The following TTC39A variants were observed in gnomAD, a reference collection of about 807,000 sequenced individuals.
TTC39A encodes tetratricopeptide repeat protein 39A.
In TTC39A, 46 loss-of-function variants were observed where a neutral mutation model predicts 82.3. That is an observed-to-expected ratio of 0.56 (90% CI 0.44 to 0.71). The LOEUF (loss-of-function observed/expected upper bound fraction) is 0.71. TTC39A is among the 30% of genes least tolerant of loss of function. The probability of loss-of-function intolerance (pLI) is 0.00; values close to 1 mark genes in which losing one functional copy is unlikely to be tolerated. For synonymous variants in TTC39A, 254 were observed against 275.2 expected (o/e 0.92, Z 0.76); for missense variants, 543 against 712.9 (o/e 0.76, Z 2.71).
intron 15 of TTC39A, 91 bp from the exon 16 acceptor site, chr1:51,290,210 G>C (rs2148102391): frequency 8.4e-7 from 1 of 1,183,818 alleles, no homozygotes. Flanking sequence ...AGGTCAAAGG[G>C]ACACAGGTAA....
chr1:51,342,216 T>C (rs985413830), intron 1 of TTC39A, among the ~76,000 whole-genome samples: 1 of 152,176 alleles, frequency 6.6e-6, no homozygotes, highest in African/African-American at 2.4e-5. Context: ...CCTTTCCTTT[T>C]CCCAGCAGTT....
At chr1:51,333,767 CT>C (rs1645940867), upstream of TTC39A, among the ~76,000 whole-genome samples, 1 of 152,306 alleles carries the variant, frequency 6.6e-6, no homozygotes, top group East Asian at 1.9e-4. Flanking sequence ...TGACTGTCTG[CT>C]TCTGGAGGCT....
At chr1:51,327,562 G>A (rs745365713) in intron 1 of TTC39A, among the ~76,000 whole-genome samples, 2 of 152,204 alleles carry the variant, frequency 1.3e-5, no homozygotes, top group East Asian at 1.9e-4. Context: ...ATGAGCCTCC[G>A]TTTCCTCATC....
chr1:51,326,924 A>G (rs573138314), intron 1 of TTC39A, among the ~76,000 whole-genome samples: 1 of 152,308 alleles, frequency 6.6e-6, no homozygotes, highest in East Asian at 1.9e-4. Context: ...GGCTGGATGG[A>G]GCAGAGCTGG....
At chr1:51,324,455 C>G (rs1294252650) in intron 1 of TTC39A, among the ~76,000 whole-genome samples, 1 of 152,180 alleles carries the variant, frequency 6.6e-6, no homozygotes, top group Admixed American at 6.5e-5. Context: ...CTTCAGTTCT[C>G]TCTTCACGCT....
intron 11 of TTC39A, chr1:51,302,039 G>A (rs1225215297): frequency 1.3e-5 from 9 of 701,984 alleles, no homozygotes; most frequent in Non-Finnish European, 2.1e-5. Context: ...CAGCCTAATC[G>A]TCATGCCCTA....
At chr1:51,314,143 C>T (rs1645195968) in intron 2 of TTC39A, among the ~76,000 whole-genome samples, 2 of 152,226 alleles carry the variant, frequency 1.3e-5, no homozygotes, top group Non-Finnish European at 2.9e-5. Context: ...CCGACCCAGG[C>T]TCCTCAGCTG....
intron 8 of TTC39A, among the ~76,000 whole-genome samples, chr1:51,303,842 C>T (rs1201913800): frequency 6.6e-6 from 1 of 152,236 alleles, no homozygotes; most frequent in East Asian, 1.9e-4. Flanking sequence ...ACTGCCTCAC[C>T]TCTGGGTCCT....
rs905311903 is a variant in TTC39A, at chr1:51,322,142, T to C, written c.42-317A>G. 6 of 1,551,712 alleles carry C rather than the reference T, an allele frequency of 3.9e-6. No homozygotes were observed. In the African/African-American group the frequency reaches 4.1e-5, roughly 11 times the overall value. On this transcript the variant is annotated intron_variant, in intron 1 of 17. Transcript: ENST00000680483. ...CCCTCCACAAGGGTAAAGGGAGTCT[T>C]TGTGGCCCTTCTGGCCCATTGGGCT...
chr1:51,319,541 AATC>A (rs1391568261), intron 2 of TTC39A, among the ~76,000 whole-genome samples: 1 of 152,196 alleles, frequency 6.6e-6, no homozygotes, highest in Non-Finnish European at 1.5e-5. Flanking sequence ...TACAAGAGCC[AATC>A]CTAAACCTTT....
chr1:51,304,491 C>T (rs950159337), intron 8 of TTC39A, among the ~76,000 whole-genome samples: 2 of 152,108 alleles, frequency 1.3e-5, no homozygotes, highest in Non-Finnish European at 2.9e-5. Flanking sequence ...CTGGACTGAC[C>T]CAGAGCTCCT....
At position 51,302,078 on chromosome 1, in the gene TTC39A, C is replaced by T. The variant is rs141319458; in HGVS notation, c.891+279G>A. Reference sequence around the variant, plus strand: ...AGATGGGCTTTCCTAACCTCTGCCTCCCTCAAGCACCTCCCTCCACCTCCC... The same window carrying T: ...AGATGGGCTTTCCTAACCTCTGCCTTCCTCAAGCACCTCCCTCCACCTCCC... On this transcript the variant is annotated intron_variant, in intron 11 of 17. Coordinates refer to ENST00000680483, the MANE Select transcript of TTC39A (RefSeq NM_001297663.2). 2.2e-4 allele frequency: 156 copies of T among 718,712 alleles called. No homozygotes were observed. The East Asian group carries it at 4.1e-3, about 19-fold the overall frequency. The allele number at this position is 718,712 out of a possible 1,614,324, so 44.5% of individuals were successfully genotyped here. A position where few individuals can be genotyped will look rare whatever the true frequency, so the allele number is the denominator to read the frequency against.
At chr1:51,338,368 A>G (rs1325029695) in intron 1 of TTC39A, among the ~76,000 whole-genome samples, 1 of 152,152 alleles carries the variant, frequency 6.6e-6, no homozygotes, top group East Asian at 1.9e-4. Flanking sequence ...TGTGTGGATT[A>G]CAGATGATGC....
At chr1:51,295,025 G>A (rs56686578) in intron 13 of TTC39A, among the ~76,000 whole-genome samples, 2,563 of 152,210 alleles carry the variant, frequency 0.017, 72 homozygotes, top group African/African-American at 0.057. Context: ...CCACATCTGG[G>A]GCCTCACCCA....
At chr1:51,330,922 A>G (rs543253014), upstream of TTC39A, 21 of 612,592 alleles carry the variant, frequency 3.4e-5, no homozygotes, top group South Asian at 3.7e-4. The surrounding 1 kb of genome is among the most constrained non-coding windows in gnomAD (Gnocchi z 4.5). Flanking sequence ...CTCCCGCATT[A>G]ATGGGGGCAT....
intron 2 of TTC39A, among the ~76,000 whole-genome samples, chr1:51,320,871 G>GTTT (rs770160259): frequency 0.023 from 2,863 of 126,706 alleles, 188 homozygotes; most frequent in African/African-American, 0.086. Flanking sequence ...ATGTTTTCTG[G>GTTT]TTTTTTTTTT....
Position 51,303,120 on chromosome 1 carries a change from G to C in TTC39A, c.727C>G (p.Leu243Val), listed in dbSNP as rs1481456117. Residue 243 changes from leucine to valine, a missense_variant, in exon 9 of 18, where the codon CTG becomes GTG. Coordinates refer to ENST00000680483, the MANE Select transcript of TTC39A (RefSeq NM_001297663.2). ...SFRSVLCVML[L>V]LCYHTFLTFV... ...GTGAGGAAGGTGTGGTAGCACAGCA[G>C]GAGCATGACACAGAGCACAGAGCGG... 4 of 1,595,272 alleles carry C rather than the reference G, an allele frequency of 2.5e-6. No homozygotes were observed. The highest frequency in any genetic ancestry group is 3.4e-6 in the Non-Finnish European group (4 of 1,171,706).
At chr1:51,325,015 G>A (rs1645660514) in intron 1 of TTC39A, among the ~76,000 whole-genome samples, 1 of 151,774 alleles carries the variant, frequency 6.6e-6, no homozygotes, top group African/African-American at 2.4e-5. Context: ...AGCATTTTTG[G>A]AGGCTGAGGC....
In TTC39A at chr1:51,288,202, G is replaced by C. The variant is rs1207131919; in HGVS notation, c.1689C>G (p.Ser563=). ...CCATGGATCTGCTGCTGTTCTCTAG[G>C]GAAGACTTGGCTTGGAGTGTGGCTG... ...IQAATLQAKS[S]LENSSRSMVS... is the part of the protein sequence containing the mutation. Residue 563 remains serine (S), a synonymous_variant, in exon 18 of 18, where the codon TCC becomes TCG. Transcript: ENST00000680483. This position sits in a 1 kb window ranked among gnomAD's most constrained non-coding sequence, Gnocchi z 4.8. The C allele has an allele frequency of 6.2e-7, 1 of 1,613,904 alleles. No homozygotes were observed.
Sources: allele counts gnomAD v4.1 joint callset (sites outside exome capture counted in the v4.1 genomes callset), GRCh38; gene constraint gnomAD v4.1.1; non-coding constraint Gnocchi (gnomAD v3.1); transcripts MANE v1.5; gene names NCBI Gene and HGNC (gene_info 2026-07-23, HGNC 2026-07-21).